The following ASIC2 variants were observed in gnomAD, a reference collection of about 807,000 sequenced individuals.
ASIC2 encodes acid-sensing ion channel 2.
A neutral mutation model predicts 57.3 loss-of-function variants in ASIC2; 25 were observed. The ratio of observed to expected loss-of-function variants is 0.44; its 90% CI spans 0.32 to 0.61. The LOEUF is 0.61. Ranked by LOEUF, ASIC2 falls within the 20% of genes least tolerant of loss-of-function variation. The pLI is 0.06. For missense variants in ASIC2, 641 were observed against 738.1 expected, an observed-to-expected ratio of 0.87 and a Z score of 1.52; for synonymous variants, 319 against 307.5, an observed-to-expected ratio of 1.04 and a Z score of -0.39.
intron 1 of ASIC2, among the ~76,000 whole-genome samples, chr17:33,896,499 G>A (rs1330472942): frequency 6.8e-6 from 1 of 147,948 alleles, no homozygotes; most frequent in Admixed American, 6.7e-5. Context: ...CCTCAGCTGT[G>A]CAATGGACAA....
intron 1 of ASIC2, among the ~76,000 whole-genome samples, chr17:33,711,632 G>A (rs951356117): frequency 2.0e-5 from 3 of 152,256 alleles, no homozygotes; most frequent in East Asian, 1.9e-4. Flanking sequence ...CAATCGTGGC[G>A]GAAGGTGAAG....
chr17:33,664,386 T>C (rs964855251), intron 1 of ASIC2, among the ~76,000 whole-genome samples: 4 of 152,250 alleles, frequency 2.6e-5, no homozygotes, highest in African/African-American at 9.6e-5. Flanking sequence ...CAACTGATAC[T>C]GAAACATTCA....
chr17:33,285,253 C>T (rs1375406872), intron 1 of ASIC2, among the ~76,000 whole-genome samples: 1 of 152,180 alleles, frequency 6.6e-6, no homozygotes, highest in Non-Finnish European at 1.5e-5. Context: ...TATCTGCAGA[C>T]CTGAGTGGAG....
At chr17:33,092,054 G>A (rs180699280) in intron 2 of ASIC2, among the ~76,000 whole-genome samples, 2 of 152,344 alleles carry the variant, frequency 1.3e-5, no homozygotes, top group East Asian at 3.9e-4. Flanking sequence ...GGGGTGACGA[G>A]AACTCCGCCA....
chr17:33,667,618 C>A (rs539047215), intron 1 of ASIC2, among the ~76,000 whole-genome samples: 1 of 152,156 alleles, frequency 6.6e-6, no homozygotes, highest in Non-Finnish European at 1.5e-5. Flanking sequence ...GTCATTTAAC[C>A]TTTATGAAAA....
At chr17:33,847,969 A>G (rs1158009360) in intron 1 of ASIC2, among the ~76,000 whole-genome samples, 2 of 152,126 alleles carry the variant, frequency 1.3e-5, no homozygotes, top group Non-Finnish European at 2.9e-5. Context: ...CACTTTGGGA[A>G]GTGAATGCAT....
intron 2 of ASIC2, among the ~76,000 whole-genome samples, chr17:33,105,631 G>A (rs1393778028): frequency 6.6e-6 from 1 of 152,300 alleles, no homozygotes; most frequent in East Asian, 1.9e-4. Flanking sequence ...CTCAGAAGAA[G>A]ACACGAAAAT....
At chr17:34,113,577 A>AT (rs1268073664) in intron 1 of ASIC2, among the ~76,000 whole-genome samples, 8 of 151,332 alleles carry the variant, frequency 5.3e-5, no homozygotes, top group Non-Finnish European at 7.4e-5. Flanking sequence ...AAAAAAAAAA[A>AT]GGAAGAAGAT....
chr17:33,870,210 T>C (rs12051688), intron 1 of ASIC2, among the ~76,000 whole-genome samples: 75,821 of 137,992 alleles, frequency 0.55, 21,570 homozygotes, highest in East Asian at 0.64. Flanking sequence ...TTGTGGGCTG[T>C]GATGAGAAAT....
chr17:33,523,347 C>A (rs1170793995), intron 1 of ASIC2, among the ~76,000 whole-genome samples: 1 of 152,142 alleles, frequency 6.6e-6, no homozygotes, highest in Non-Finnish European at 1.5e-5. Context: ...ACCTCCTACT[C>A]CCAGATTTAA....
At chr17:33,352,565 A>G (rs889019805) in intron 1 of ASIC2, among the ~76,000 whole-genome samples, 1 of 152,124 alleles carries the variant, frequency 6.6e-6, no homozygotes, top group East Asian at 1.9e-4. Flanking sequence ...GTTATCATCC[A>G]TCGAACTCTG....
chr17:33,473,506 T>A (rs1032243004), intron 1 of ASIC2, among the ~76,000 whole-genome samples: 1 of 151,988 alleles, frequency 6.6e-6, no homozygotes, highest in Non-Finnish European at 1.5e-5. Flanking sequence ...CAAGCAGGAA[T>A]GAGTACCACG....
intron 1 of ASIC2, chr17:34,039,592 C>T: frequency 6.2e-7 from 1 of 1,613,910 alleles, no homozygotes; most frequent in Non-Finnish European, 8.5e-7. Flanking sequence ...TCCCGGCCCG[C>T]TTCCCCCAGC....
At chr17:33,359,006 G>A (rs965706686) in intron 1 of ASIC2, among the ~76,000 whole-genome samples, 3 of 152,212 alleles carry the variant, frequency 2.0e-5, no homozygotes, top group Non-Finnish European at 2.9e-5. Context: ...ACTTAAGAAG[G>A]TGGGGAGCCT....
chr17:33,831,106 C>CAA lies in ASIC2; in HGVS notation c.555+324870_555+324871dup, dbSNP rs56841196. Among the ~76,000 whole-genome samples the CAA allele has an allele frequency of 6.9e-3, 158 of 22,960 alleles. 46 individuals carry two copies. Among genetic ancestry groups the CAA allele is most frequent in the East Asian group, 0.032 (11 of 348 alleles). The allele number at this position is 22,960 out of a possible 152,430, so 15.1% of individuals were successfully genotyped here. A position where few individuals can be genotyped will look rare whatever the true frequency, so the allele number is the denominator to read the frequency against. Reference sequence around the variant, plus strand: ...CCTGGGTGACAGAGTAAGGCTCTGTCAAAAAAAAAAAAAAAAAAAAAAAAA... The same window carrying CAA: ...CCTGGGTGACAGAGTAAGGCTCTGTCAAAAAAAAAAAAAAAAAAAAAAAAAAA... On this transcript the variant is annotated intron_variant, in intron 1 of 9. Transcript: ENST00000359872.
chr17:33,473,941 G>T (rs559119598), intron 1 of ASIC2, among the ~76,000 whole-genome samples: 1 of 151,884 alleles, frequency 6.6e-6, no homozygotes, highest in African/African-American at 2.4e-5. Context: ...ATTATGTTTT[G>T]GTCAGGCAAA....
intron 1 of ASIC2, among the ~76,000 whole-genome samples, chr17:33,527,613 A>G (rs1032366976): frequency 1.5e-4 from 23 of 152,248 alleles, no homozygotes; most frequent in African/African-American, 5.5e-4. Flanking sequence ...AAAGAGGGTC[A>G]TCGTGAACAA....
chr17:33,869,014 G>C (rs1187046156), intron 1 of ASIC2, among the ~76,000 whole-genome samples: 2 of 152,120 alleles, frequency 1.3e-5, no homozygotes, highest in East Asian at 3.9e-4. Context: ...GCAGTGAGCT[G>C]TTATCTCAGC....
At chr17:33,124,741 C>T (rs1178307343) in intron 1 of ASIC2, among the ~76,000 whole-genome samples, 1 of 152,176 alleles carries the variant, frequency 6.6e-6, no homozygotes, top group Non-Finnish European at 1.5e-5. Context: ...AAGCACATGA[C>T]ATTTGTTGTG....
Sources: gnomAD v4.1 joint callset for allele counts (sites outside exome capture counted in the v4.1 genomes callset) on GRCh38, gnomAD v4.1.1 for gene constraint, MANE v1.5 for transcripts, NCBI Gene and HGNC (gene_info 2026-07-23, HGNC 2026-07-21) for gene names.